Variants in LOC128125822 observed in about 807,000 individuals in gnomAD.
the LOC128125822 span, chr6:63,581,667 G>T: frequency 6.6e-6 from 1 of 152,064 alleles, no homozygotes; most frequent in Admixed American, 6.5e-5. Context: ...TAAAGGTCTA[G>T]ATAATTTTGA....
the LOC128125822 span, among the ~76,000 whole-genome samples, chr6:63,573,814 C>T: frequency 1.3e-5 from 2 of 152,030 alleles, no homozygotes; most frequent in African/African-American, 4.8e-5. Flanking sequence ...TACACTGACG[C>T]GAAGGACTTC....
the LOC128125822 span, chr6:63,580,278 T>A: frequency 1.1e-6 from 1 of 947,106 alleles, no homozygotes; most frequent in Non-Finnish European, 1.6e-6. Flanking sequence ...GAAGCTTCCA[T>A]AGGAGTATTG....
chr6:63,579,128 T>C, the LOC128125822 span: 1 of 1,383,038 alleles, frequency 7.2e-7, no homozygotes, highest in African/African-American at 1.5e-5. Flanking sequence ...AAAGTCAACA[T>C]TTGTCATAGG....
the LOC128125822 span, chr6:63,576,735 T>C: frequency 1.5e-6 from 1 of 654,990 alleles, no homozygotes. Context: ...TCATTTCACT[T>C]ATCATTACTT....
the LOC128125822 span, chr6:63,576,598 T>G: frequency 2.1e-6 from 1 of 473,990 alleles, no homozygotes; most frequent in Non-Finnish European, 3.7e-6. Flanking sequence ...GACACAGAAG[T>G]GTTGAATTGA....
At chr6:63,578,225 T>A in the LOC128125822 span, among the ~76,000 whole-genome samples, 1 of 152,214 alleles carries the variant, frequency 6.6e-6, no homozygotes, top group African/African-American at 2.4e-5. Context: ...AAAATATGTA[T>A]GGTATTTAAT....
the LOC128125822 span, chr6:63,580,131 T>G: frequency 1.9e-6 from 3 of 1,613,762 alleles, no homozygotes; most frequent in Non-Finnish European, 2.5e-6. Context: ...CGGCTGCGTT[T>G]CAAAGATTCC....
At chr6:63,579,513 T>G in the LOC128125822 span, among the ~76,000 whole-genome samples, 1 of 152,266 alleles carries the variant, frequency 6.6e-6, no homozygotes, top group Admixed American at 6.5e-5. Context: ...ATTACTAAGA[T>G]TCTAATCCAA....
At chr6:63,580,916 G>A in the LOC128125822 span, 1 of 152,538 alleles carries the variant, frequency 6.6e-6, no homozygotes, top group Non-Finnish European at 1.5e-5. Context: ...CAACTTAACA[G>A]GGAGGGCCTG....
chr6:63,579,083 C>A, the LOC128125822 span: 1 of 1,486,576 alleles, frequency 6.7e-7, no homozygotes, highest in Non-Finnish European at 8.9e-7. Context: ...AATGAAAATA[C>A]AGAAACTTGA....
chr6:63,580,223 A>G, the LOC128125822 span: 1 of 1,385,788 alleles, frequency 7.2e-7, no homozygotes, highest in Non-Finnish European at 1.0e-6. Context: ...ATAGGGCCTA[A>G]TTTGTTATAC....
the LOC128125822 span, chr6:63,580,278 T>C: frequency 5.3e-6 from 5 of 946,988 alleles, no homozygotes; most frequent in Admixed American, 2.0e-5. Context: ...GAAGCTTCCA[T>C]AGGAGTATTG....
At chr6:63,574,721 A>C in the LOC128125822 span, among the ~76,000 whole-genome samples, 1 of 152,220 alleles carries the variant, frequency 6.6e-6, no homozygotes, top group Admixed American at 6.5e-5. Flanking sequence ...GAATACTGTG[A>C]TGAGTCATTA....
chr6:63,577,363 G>C, the LOC128125822 span, among the ~76,000 whole-genome samples: 1 of 152,230 alleles, frequency 6.6e-6, no homozygotes, highest in South Asian at 2.1e-4. Context: ...CTGATGCTTA[G>C]AATCCAATTT....
At chr6:63,574,516 A>G in the LOC128125822 span, among the ~76,000 whole-genome samples, 30 of 152,320 alleles carry the variant, frequency 2.0e-4, no homozygotes, top group South Asian at 4.8e-3. Flanking sequence ...CTCAGTAAAA[A>G]TAACCATTTC....
At chr6:63,580,245 C>G in the LOC128125822 span, 1 of 1,242,400 alleles carries the variant, frequency 8.0e-7, no homozygotes, top group South Asian at 1.2e-5. Flanking sequence ...TATTAGCCAA[C>G]ATGTTGGCTT....
At chr6:63,578,774 A>G in the LOC128125822 span, 1 of 1,170,096 alleles carries the variant, frequency 8.5e-7, no homozygotes, top group Non-Finnish European at 1.1e-6. Context: ...ACAGGGTTTA[A>G]TAAGATTTGA....
the LOC128125822 span, chr6:63,578,869 T>C: frequency 1.3e-6 from 2 of 1,485,072 alleles, no homozygotes; most frequent in Admixed American, 4.8e-5. Context: ...ATTAATGATC[T>C]AAAATGTTTA....
chr6:63,583,352 G>GA, the LOC128125822 span: 1 of 152,146 alleles, frequency 6.6e-6, no homozygotes, highest in South Asian at 2.1e-4. Context: ...CACCTGAATT[G>GA]AAAATTAAAG....
Sources: allele counts gnomAD v4.1 joint callset (sites outside exome capture counted in the v4.1 genomes callset), GRCh38; gene constraint gnomAD v4.1.1; transcripts MANE v1.5.